KLF4: variants seen among roughly 807,000 people sequenced by gnomAD.
KLF4 encodes KLF transcription factor 4, also known as Krueppel-like factor 4.
Under a neutral mutation model 38.0 loss-of-function variants are expected in KLF4, and 14 were observed. The ratio of observed to expected loss-of-function variants is 0.37; its 90% CI spans 0.24 to 0.58. The LOEUF (loss-of-function observed/expected upper bound fraction) is 0.58. Ranked by LOEUF, KLF4 falls within the 20% of genes least tolerant of loss-of-function variation. KLF4 has a pLI of 0.76. For missense variants in KLF4, 737 were observed against 670.1 expected, an observed-to-expected ratio of 1.10 and a Z score of -1.10; for synonymous variants, 398 against 302.5, an observed-to-expected ratio of 1.32 and a Z score of -3.28.
At position 107,487,859 on chromosome 9, in the gene KLF4, G is replaced by C; in HGVS notation, c.535C>G (p.Pro179Ala). The change falls in exon 3 of 5, where the codon CCC becomes GCC. Residue 179 changes from proline (P) to alanine (A), a missense_variant. Physicochemically the swap from Pro to Ala is conservative, Grantham distance 27. Around this residue, in one of 2 missense-constraint regions of KLF4, gnomAD observed 695 missense variants for 554.5 expected, o/e 1.25. Coordinates refer to ENST00000374672, the MANE Select transcript of KLF4 (RefSeq NM_004235.6). This position sits in a 1 kb window ranked among gnomAD's most constrained non-coding sequence, Gnocchi z 6.1. The part of the protein sequence containing the change: ...GGLLYGRESA[P>A]PPTAPFNLAD... ...AGGTTGAAGGGAGCCGTCGGAGGGG[G>C]AGCGGACTCCCTGCCATAGAGGAGG... 1 of 1,530,456 alleles carries C rather than the reference G, an allele frequency of 6.5e-7. No homozygotes were observed. Among genetic ancestry groups the C allele is most frequent in the East Asian group, 2.4e-5 (1 of 41,342 alleles). 94.8% of individuals were successfully genotyped at this position (1,530,456 alleles called of 1,614,324 possible).
In KLF4 at chr9:107,489,293, T is replaced by G; in HGVS notation, c.-121A>C. On this transcript the variant is annotated 5_prime_UTR_variant, in exon 1 of 5. Transcript: ENST00000374672. ...AACCCCAAATTGGCCGAGATCCTTC[T>G]TCTTTGGATTAAATATAACTTGGAA... 1 of 1,271,364 alleles carries G rather than the reference T, an allele frequency of 7.9e-7. No individual in the cohort carries two copies. The highest frequency in any genetic ancestry group is 1.7e-5 in the South Asian group (1 of 58,510). The allele number at this position is 1,271,364 out of a possible 1,614,324, so 78.8% of individuals were successfully genotyped here. A position where few individuals can be genotyped will look rare whatever the true frequency, so the allele number is the denominator to read the frequency against.
rs139364854 is a variant in KLF4 at position 107,487,309 on chromosome 9, G to A, written c.1085C>T (p.Pro362Leu). 5.7e-6 allele frequency: 9 copies of A among 1,575,456 alleles called. No individual in the cohort carries two copies. Among genetic ancestry groups the A allele is most frequent in the Non-Finnish European group, 6.9e-6 (8 of 1,160,332 alleles). ...CCGGGACTGACCTTGGTAATGGAGCGGCGGGACTTGCGGCTGCATCTGATC... is the reference window on the plus strand; with the variant it reads ...CCGGGACTGACCTTGGTAATGGAGCAGCGGGACTTGCGGCTGCATCTGATC... ...LPDQMQPQVP[P>L]LHYQELMPPG... The change falls in exon 3 of 5, where the codon CCG becomes CTG. Residue 362 changes from proline to leucine, a missense_variant. By Grantham distance (98) the Pro-to-Leu change is moderately conservative. Coordinates refer to ENST00000374672, the MANE Select transcript of KLF4 (RefSeq NM_004235.6). The surrounding 1 kb of genome is among the most constrained non-coding windows in gnomAD (Gnocchi z 6.1).
Position 107,488,494 on chromosome 9 carries a change from T to A in KLF4, c.127-227A>T. 1.3e-6 allele frequency: 1 copy of A among 746,680 alleles called. No homozygotes were observed. The highest frequency in any genetic ancestry group is 2.0e-6 in the Non-Finnish European group (1 of 488,878). 46.3% of individuals were successfully genotyped at this position (746,680 alleles called of 1,614,324 possible). A position where few individuals can be genotyped will look rare whatever the true frequency, so the allele number is the denominator to read the frequency against. On this transcript the variant is annotated intron_variant, in intron 2 of 4. Coordinates refer to ENST00000374672, the MANE Select transcript of KLF4 (RefSeq NM_004235.6). The surrounding 1 kb of genome is among the most constrained non-coding windows in gnomAD (Gnocchi z 5.7). ...GGGTGTTATGTCCTGTCTGCCCAAT[T>A]GCGTGTGAGCGAGCGCCGCGGCTGG...
Position 107,487,002 on chromosome 9 carries a change from C to G in KLF4, c.1264+26G>C, listed in dbSNP as rs201493293. On this transcript the variant is annotated intron_variant, in intron 4 of 4. Coordinates refer to ENST00000374672, the MANE Select transcript of KLF4 (RefSeq NM_004235.6). The surrounding 1 kb of genome is among the most constrained non-coding windows in gnomAD (Gnocchi z 6.1). ...CCTATGGGGCTGGAAGCTAACCCCC[C>G]TCCCTTCTGCAGTTTGTCCCCCTAC... is the stretch of plus-strand genomic sequence containing the variant. 9.9e-5 allele frequency: 159 copies of G among 1,614,166 alleles called. No homozygotes were observed. The African/African-American group carries it at 2.0e-3, about 20-fold the overall frequency.
chr9:107,489,433 T>G lies in KLF4; in HGVS notation c.-261A>C. The G allele has an allele frequency of 2.4e-6, 1 of 413,814 alleles. No homozygotes were observed. The highest frequency in any genetic ancestry group is 4.2e-6 in the Non-Finnish European group (1 of 236,726). 25.6% of individuals were successfully genotyped at this position (413,814 alleles called of 1,614,324 possible). A position where few individuals can be genotyped will look rare whatever the true frequency, so the allele number is the denominator to read the frequency against. On this transcript the variant is annotated 5_prime_UTR_variant, in exon 1 of 5. Transcript: ENST00000374672. ...GTCCGGTGGCCGGGCTGCGCTCTCT[T>G]CCACTCAGCAGCGTCCCCCACCACT...
Position 107,487,749 on chromosome 9 carries a change from C to T in KLF4, c.645G>A (p.Pro215=). The T allele has an allele frequency of 3.8e-6, 6 of 1,574,988 alleles. No individual in the cohort carries two copies. The highest frequency in any genetic ancestry group is 5.2e-6 in the Non-Finnish European group (6 of 1,160,862). Residue 215 remains proline, a synonymous_variant, in exon 3 of 5, where the codon CCG becomes CCA. Coordinates refer to ENST00000374672, the MANE Select transcript of KLF4 (RefSeq NM_004235.6). The surrounding 1 kb of genome is among the most constrained non-coding windows in gnomAD (Gnocchi z 6.1). ...CGCCACCTGGCGGCTGCGGCTGCTG[C>T]GGCGGAATGTACACCGGGTCCAATT... ...RPELDPVYIP[P]QQPQPPGGGL...
rs1829082101 is a variant in KLF4, at chr9:107,487,253, C to T, written c.1099+42G>A. The T allele has an allele frequency of 2.5e-6, 4 of 1,601,888 alleles. No individual in the cohort carries two copies. The highest frequency in any genetic ancestry group is 3.4e-6 in the Non-Finnish European group (4 of 1,173,372). On this transcript the variant is annotated intron_variant, in intron 3 of 4. Coordinates refer to ENST00000374672, the MANE Select transcript of KLF4 (RefSeq NM_004235.6). This position sits in a 1 kb window ranked among gnomAD's most constrained non-coding sequence, Gnocchi z 6.1. Reference sequence around the variant, plus strand: ...TGTGTCCCGAAGTGGGGCCAGCACACACAGGGCTCCCCAGCCCGAGCTACA... The same window carrying T: ...TGTGTCCCGAAGTGGGGCCAGCACATACAGGGCTCCCCAGCCCGAGCTACA...
At position 107,489,637 on chromosome 9, in the gene KLF4, C is replaced by G. The variant is rs1829159125; in HGVS notation, c.-465G>C. The stretch of plus-strand genomic sequence containing the variant: ...CGCGGCCATGGGCGCGGGCCACGGG[C>G]GGGTGGGAGGGTGGGGGGCCAGAGG... On this transcript the variant is annotated 5_prime_UTR_variant, in exon 1 of 5. Transcript: ENST00000374672. The G allele has an allele frequency of 2.8e-5, 1 of 35,744 alleles. No individual in the cohort carries two copies. Among genetic ancestry groups the G allele is most frequent in the Non-Finnish European group, 4.7e-5 (1 of 21,308 alleles). 2.2% of individuals were successfully genotyped at this position (35,744 alleles called of 1,614,324 possible).
Position 107,489,363 on chromosome 9 carries a change from A to G in KLF4, c.-191T>C. On this transcript the variant is annotated 5_prime_UTR_variant, in exon 1 of 5. Coordinates refer to ENST00000374672, the MANE Select transcript of KLF4 (RefSeq NM_004235.6). ...CCTTTGTATACAAAAGTTCTTAGAA[A>G]AGTTGTAAACGCAAAAATAGACAAT... 4 of 758,158 alleles carry G rather than the reference A, an allele frequency of 5.3e-6. No homozygotes were observed. The highest frequency in any genetic ancestry group is 7.6e-6 in the Non-Finnish European group (4 of 522,886). 47.0% of individuals were successfully genotyped at this position (758,158 alleles called of 1,614,324 possible).
chr9:107,486,105 G>A (rs550600156), intron 4 of KLF4, among the ~76,000 whole-genome samples, 179 bp from the exon 5 acceptor site: 1 of 152,130 alleles, frequency 6.6e-6, no homozygotes, highest in African/African-American at 2.4e-5. Context: ...AATACATTCC[G>A]TGCTTAAGTA....
rs1285124990 is a variant in KLF4, at chr9:107,487,023, C to T, written c.1264+5G>A. The T allele has an allele frequency of 6.2e-7, 1 of 1,614,174 alleles. No homozygotes were observed. The highest frequency in any genetic ancestry group is 2.2e-5 in the East Asian group (1 of 44,850). ...CCCCCTCCCTTCTGCAGTTTGTCCC[C>T]CTACCTGTGTGGGTTCGCAGGTGTG... On this transcript the variant is annotated splice_donor_5th_base_variant and intron_variant, in intron 4 of 4. Transcript: ENST00000374672. This position sits in a 1 kb window ranked among gnomAD's most constrained non-coding sequence, Gnocchi z 6.1.
chr9:107,488,900 G>T lies in KLF4; in HGVS notation c.126+30C>A, dbSNP rs201163938. 6.5e-7 allele frequency: 1 copy of T among 1,544,138 alleles called. No individual in the cohort carries two copies. The highest frequency in any genetic ancestry group is 8.8e-7 in the Non-Finnish European group (1 of 1,142,038). On this transcript the variant is annotated intron_variant, in intron 2 of 4. Transcript: ENST00000374672. The surrounding 1 kb of genome is among the most constrained non-coding windows in gnomAD (Gnocchi z 5.7). Reference sequence around the variant, plus strand: ...CACCACACCCACGAAAACCCACCGGGCGTTCCCGGCGGCCCGGAGCGATAC... The same window carrying T: ...CACCACACCCACGAAAACCCACCGGTCGTTCCCGGCGGCCCGGAGCGATAC...
Position 107,488,116 on chromosome 9 carries a change from C to T in KLF4, c.278G>A (p.Arg93Gln), listed in dbSNP as rs764613225. Residue 93 changes from arginine to glutamine, a missense_variant, in exon 3 of 5, where the codon CGG (arginine) becomes CAG (glutamine). Arg to Gln is a conservative substitution (Grantham distance 43). Transcript: ENST00000374672. This position sits in a 1 kb window ranked among gnomAD's most constrained non-coding sequence, Gnocchi z 5.7. Reference protein sequence around the residue: ...CGGSNLAPLPRRETEEFNDLL... With the variant: ...CGGSNLAPLPQRETEEFNDLL... ...ATCGTTGAACTCCTCGGTCTCTCTC[C>T]GAGGTAGGGGCGCCAGGTTGCTACC... 18 of 1,612,822 alleles carry T rather than the reference C, an allele frequency of 1.1e-5. No homozygotes were observed. Among genetic ancestry groups the T allele is most frequent in the East Asian group, 2.2e-5 (1 of 44,846 alleles).
In KLF4 at chr9:107,489,228, C is replaced by T; in HGVS notation, c.-56G>A. On this transcript the variant is annotated 5_prime_UTR_variant, in exon 1 of 5. Transcript: ENST00000374672. ...CCCGAAGCAGCTGGGGCACCTGAAC[C>T]CCAAAGTCAACGAAGAGAAGAAACG... 2.1e-6 allele frequency: 3 copies of T among 1,442,742 alleles called. No individual in the cohort carries two copies. Among genetic ancestry groups the T allele is most frequent in the Non-Finnish European group, 2.7e-6 (3 of 1,095,064 alleles). The allele number at this position is 1,442,742 out of a possible 1,614,324, so 89.4% of individuals were successfully genotyped here. A position where few individuals can be genotyped will look rare whatever the true frequency, so the allele number is the denominator to read the frequency against.
chr9:107,486,753 C>T (rs1290773967), intron 4 of KLF4, among the ~76,000 whole-genome samples: 1 of 152,044 alleles, frequency 6.6e-6, no homozygotes, highest in Non-Finnish European at 1.5e-5. Context: ...CTTTTAAAAG[C>T]CTAACAAAAT....
Position 107,487,259 on chromosome 9 carries a change from G to T in KLF4, c.1099+36C>A. 1 of 1,600,016 alleles carries T rather than the reference G, an allele frequency of 6.2e-7. No homozygotes were observed. ...CCGAAGTGGGGCCAGCACACACAGG[G>T]CTCCCCAGCCCGAGCTACAAATCCC... On this transcript the variant is annotated intron_variant, in intron 3 of 4. Transcript: ENST00000374672. This position sits in a 1 kb window ranked among gnomAD's most constrained non-coding sequence, Gnocchi z 6.1.
Position 107,487,518 on chromosome 9 carries a change from G to C in KLF4, c.876C>G (p.Pro292=). ...CCGGCCGGTGGCCATTGCTGAGAGG[G>C]GGTCCAGCGCCCAAGTGGGTGCACG... ...VSSCTHLGAG[P]PLSNGHRPAA... is the part of the protein sequence containing the mutation. Residue 292 remains proline (P), a synonymous_variant, in exon 3 of 5, where the codon CCC becomes CCG. Coordinates refer to ENST00000374672, the MANE Select transcript of KLF4 (RefSeq NM_004235.6). This position sits in a 1 kb window ranked among gnomAD's most constrained non-coding sequence, Gnocchi z 6.1. The C allele has an allele frequency of 6.5e-7, 1 of 1,549,384 alleles. No homozygotes were observed. Among genetic ancestry groups the C allele is most frequent in the South Asian group, 1.2e-5 (1 of 80,310 alleles).
Position 107,485,391 on chromosome 9 carries a change from C to T in KLF4, c.*360G>A. 1 of 260,166 alleles carries T rather than the reference C, an allele frequency of 3.8e-6. No individual in the cohort carries two copies. Among genetic ancestry groups the T allele is most frequent in the Non-Finnish European group, 7.3e-6 (1 of 137,184 alleles). The allele number at this position is 260,166 out of a possible 1,614,324, so 16.1% of individuals were successfully genotyped here. ...GTGATCTTTTATGCTTATATTGCAT[C>T]AATACACAATTCAAGGGAATTCTGG... On this transcript the variant is annotated 3_prime_UTR_variant, in exon 5 of 5. Transcript: ENST00000374672. This position sits in a 1 kb window ranked among gnomAD's most constrained non-coding sequence, Gnocchi z 4.9.
intron 4 of KLF4, 122 bp downstream of exon 4, chr9:107,486,906 C>T: frequency 1.3e-6 from 2 of 1,569,802 alleles, no homozygotes; most frequent in African/African-American, 2.7e-5. Flanking sequence ...TGAGGAGTGT[C>T]CACTGGTAGC....
Sources: allele counts gnomAD v4.1 joint callset (sites outside exome capture counted in the v4.1 genomes callset), GRCh38; gene constraint gnomAD v4.1.1; regional missense constraint gnomAD v4.1.1; non-coding constraint Gnocchi (gnomAD v3.1); transcripts MANE v1.5; gene names NCBI Gene and HGNC (gene_info 2026-07-23, HGNC 2026-07-21).